The following SPTBN1 variants were observed in gnomAD, a reference collection of about 807,000 sequenced individuals.
SPTBN1 encodes the protein spectrin beta chain, non-erythrocytic 1.
A neutral mutation model predicts 266.4 loss-of-function variants in SPTBN1; 32 were observed. That is an observed-to-expected ratio of 0.12 (90% CI 0.09 to 0.16). The LOEUF (loss-of-function observed/expected upper bound fraction) is 0.16. Among genes scored for constraint, SPTBN1 ranks in the 10% least tolerant of loss-of-function variants. The pLI, the probability that SPTBN1 is intolerant of heterozygous loss-of-function variation, is 1.00. For synonymous variants in SPTBN1, 1,336 were observed against 1,162.2 expected, an observed-to-expected ratio of 1.15 and a Z score of -3.04; for missense variants, 2,296 against 3,067.1, an observed-to-expected ratio of 0.75 and a Z score of 5.94.
At chr2:54,476,054 C>T (rs541860964) in intron 1 of SPTBN1, among the ~76,000 whole-genome samples, 2 of 151,734 alleles carry the variant, frequency 1.3e-5, no homozygotes, top group South Asian at 4.2e-4. Context: ...AGAAAAATTC[C>T]CTTCCATAGT....
At chr2:54,557,150 TG>T (rs1456268824) in intron 2 of SPTBN1, among the ~76,000 whole-genome samples, 1 of 152,196 alleles carries the variant, frequency 6.6e-6, no homozygotes, top group African/African-American at 2.4e-5. Flanking sequence ...AGTTGGGGGT[TG>T]TTCAGCGTTG....
intron 24 of SPTBN1, 50 bp from the exon 25 acceptor site, chr2:54,648,936 A>T (rs1680089665): frequency 6.7e-7 from 1 of 1,496,452 alleles, no homozygotes; most frequent in Admixed American, 2.0e-5. Context: ...CCCTGAAGAA[A>T]CTTGACATTT....
chr2:54,580,435 T>G (rs893204910), intron 2 of SPTBN1, among the ~76,000 whole-genome samples: 8 of 152,312 alleles, frequency 5.3e-5, no homozygotes, highest in African/African-American at 1.9e-4. Flanking sequence ...ATCCTGTTTC[T>G]TGAGAATACA....
Position 54,558,233 on chromosome 2 carries a change from G to T in SPTBN1, c.148+31667G>T, listed in dbSNP as rs1399597789. The T allele has an allele frequency of 3.8e-5, 37 of 985,244 alleles. No individual in the cohort carries two copies. Among genetic ancestry groups the T allele is most frequent in the Non-Finnish European group, 1.1e-5 (9 of 829,908 alleles). The allele number at this position is 985,244 out of a possible 1,614,324, so 61.0% of individuals were successfully genotyped here. On this transcript the variant is annotated intron_variant, in intron 2 of 35. Coordinates refer to ENST00000356805, the MANE Select transcript of SPTBN1 (RefSeq NM_003128.3). The surrounding 1 kb of genome is among the most constrained non-coding windows in gnomAD (Gnocchi z 4.6). ...CGCGGACCGTGCGGGACCGGTAGGG[G>T]GTCGCGGGCCGGCTAGGCTCCCCCG... is the stretch of plus-strand genomic sequence containing the variant.
At chr2:54,615,925 C>G (rs1558431065) in intron 4 of SPTBN1, among the ~76,000 whole-genome samples, 2 of 152,280 alleles carry the variant, frequency 1.3e-5, no homozygotes, top group East Asian at 1.9e-4. Flanking sequence ...GTGCTAGATT[C>G]TCACTGGAAA....
intron 1 of SPTBN1, among the ~76,000 whole-genome samples, chr2:54,488,374 ACT>A (rs1252659190): frequency 3.3e-5 from 5 of 151,768 alleles, no homozygotes; most frequent in African/African-American, 7.3e-5. Flanking sequence ...AGAGTCAGTG[ACT>A]CTCTGTTTTC....
At position 54,649,574 on chromosome 2, in the gene SPTBN1, C is replaced by G; in HGVS notation, c.5203-41C>G. ...TCATGTGATCAAGAAATACAGAGTT[C>G]ACAGTGGGCTCTCTGATTTCCTTAC... On this transcript the variant is annotated intron_variant, in intron 25 of 35. Coordinates refer to ENST00000356805, the MANE Select transcript of SPTBN1 (RefSeq NM_003128.3). This position sits in a 1 kb window ranked among gnomAD's most constrained non-coding sequence, Gnocchi z 6.7. 1 of 1,591,248 alleles carries G rather than the reference C, an allele frequency of 6.3e-7. No homozygotes were observed. The highest frequency in any genetic ancestry group is 1.7e-5 in the Admixed American group (1 of 59,092).
chr2:54,525,344 C>G (rs1670738291), intron 1 of SPTBN1, among the ~76,000 whole-genome samples: 1 of 151,940 alleles, frequency 6.6e-6, no homozygotes, highest in Admixed American at 6.5e-5. Context: ...CTCCTCGGTT[C>G]AAGCAATTTT....
chr2:54,654,903 T>C (rs1680547739), intron 27 of SPTBN1, among the ~76,000 whole-genome samples, 167 bp from the exon 28 acceptor site: 1 of 152,232 alleles, frequency 6.6e-6, no homozygotes. Context: ...GTCACTGTGC[T>C]TTGGCTCCAG....
At chr2:54,492,209 C>T (rs146880798) in intron 1 of SPTBN1, among the ~76,000 whole-genome samples, 3 of 151,968 alleles carry the variant, frequency 2.0e-5, no homozygotes, top group Non-Finnish European at 4.4e-5. Flanking sequence ...ATTTTTATAC[C>T]CTTTGTTTTT....
At chr2:54,484,577 G>A (rs1048812596) in intron 1 of SPTBN1, among the ~76,000 whole-genome samples, 1 of 152,228 alleles carries the variant, frequency 6.6e-6, no homozygotes, top group South Asian at 2.1e-4. Flanking sequence ...AGGAAAGCCA[G>A]CGTTGATGAC....
At chr2:54,620,896 C>T (rs1264207309) in intron 7 of SPTBN1, among the ~76,000 whole-genome samples, 2 of 152,064 alleles carry the variant, frequency 1.3e-5, no homozygotes. Context: ...AGTCTGGGTG[C>T]ACTATGTGAA....
rs1316887938 is a variant in SPTBN1 at position 54,664,885 on chromosome 2, A to G, written c.6659+194A>G. On this transcript the variant is annotated intron_variant, in intron 33 of 35. Transcript: ENST00000356805. This position sits in a 1 kb window ranked among gnomAD's most constrained non-coding sequence, Gnocchi z 5.6. Reference sequence around the variant, plus strand: ...ATGCTGGTTATTCACTGAGAGAAGAAGAGTTGAGTTTGGATGGGAGTAGCT... The same window carrying G: ...ATGCTGGTTATTCACTGAGAGAAGAGGAGTTGAGTTTGGATGGGAGTAGCT... The G allele has an allele frequency of 9.7e-6, 6 of 617,634 alleles. No homozygotes were observed. Among genetic ancestry groups the G allele is most frequent in the Non-Finnish European group, 1.7e-5 (6 of 361,216 alleles). The allele number at this position is 617,634 out of a possible 1,614,324, so 38.3% of individuals were successfully genotyped here.
intron 4 of SPTBN1, among the ~76,000 whole-genome samples, chr2:54,615,424 A>T (rs1193271556): frequency 6.6e-6 from 1 of 152,230 alleles, no homozygotes; most frequent in African/African-American, 2.4e-5. Context: ...CATATAATAG[A>T]CAAAAGTGTA....
At chr2:54,561,195 A>G (rs1336886325) in intron 2 of SPTBN1, among the ~76,000 whole-genome samples, 2 of 152,202 alleles carry the variant, frequency 1.3e-5, no homozygotes, top group South Asian at 2.1e-4. Context: ...CCCAGGCTCT[A>G]GTGCAGTGGC....
intron 3 of SPTBN1, among the ~76,000 whole-genome samples, chr2:54,604,801 C>G (rs571117572): frequency 2.6e-5 from 4 of 152,078 alleles, no homozygotes; most frequent in Admixed American, 2.0e-4. Flanking sequence ...ACACAGGAAT[C>G]CACGGACTGT....
intron 34 of SPTBN1, 139 bp downstream of exon 34, chr2:54,666,227 A>G: frequency 2.2e-6 from 2 of 917,420 alleles, no homozygotes; most frequent in East Asian, 5.6e-5. Context: ...GTGAAAAACC[A>G]GTTTGGCACG....
chr2:54,484,431 A>G (rs10205013), intron 1 of SPTBN1, among the ~76,000 whole-genome samples: 45,555 of 152,056 alleles, frequency 0.3, 7,046 homozygotes, highest in East Asian at 0.38. Flanking sequence ...TTTTAATTAC[A>G]TTTCACACTT....
In SPTBN1 at chr2:54,617,952, G is replaced by C. The variant is rs1677721760; in HGVS notation, c.648-126G>C. ...TTCATTGTTTGATGATTCCATGATA[G>C]TATATTTTAGAGTTTTACTCCACTA... On this transcript the variant is annotated intron_variant, in intron 6 of 35. Coordinates refer to ENST00000356805, the MANE Select transcript of SPTBN1 (RefSeq NM_003128.3). The C allele has an allele frequency of 2.4e-5, 18 of 747,300 alleles. 1 individual carries two copies. The South Asian group carries it at 3.0e-4, about 13-fold the overall frequency. The allele number at this position is 747,300 out of a possible 1,614,324, so 46.3% of individuals were successfully genotyped here.
Sources: allele counts gnomAD v4.1 joint callset (sites outside exome capture counted in the v4.1 genomes callset), GRCh38; gene constraint gnomAD v4.1.1; non-coding constraint Gnocchi (gnomAD v3.1); transcripts MANE v1.5; gene names NCBI Gene and HGNC (gene_info 2026-07-23, HGNC 2026-07-21).